Variants in CREBRF observed in about 807,000 individuals in gnomAD.
CREBRF encodes the protein CREB3 regulatory factor.
Under a neutral mutation model 66.1 loss-of-function variants are expected in CREBRF, and 5 were observed. That is an observed-to-expected ratio of 0.08 (90% CI 0.04 to 0.16). The LOEUF is 0.16. CREBRF is among the 10% of genes least tolerant of loss of function. The pLI, the probability that CREBRF is intolerant of heterozygous loss-of-function variation, is 1.00. For missense variants in CREBRF, 531 were observed against 744.9 expected (o/e 0.71, Z 3.34); for synonymous variants, 229 against 264.4 (o/e 0.87, Z 1.30).
intron 8 of CREBRF, among the ~76,000 whole-genome samples, chr5:173,130,224 A>G (rs1004290482): frequency 6.6e-6 from 1 of 151,996 alleles, no homozygotes; most frequent in East Asian, 1.9e-4. Flanking sequence ...AAATTGATCT[A>G]TGTTTGGTTT....
intron 8 of CREBRF, among the ~76,000 whole-genome samples, chr5:173,124,827 T>C (rs1269248481): frequency 6.6e-6 from 1 of 152,012 alleles, no homozygotes; most frequent in Non-Finnish European, 1.5e-5. Context: ...TTATTATCTA[T>C]AGATTGGCTC....
At chr5:173,087,019 T>A (rs1285672666) in intron 3 of CREBRF, among the ~76,000 whole-genome samples, 1 of 151,014 alleles carries the variant, frequency 6.6e-6, no homozygotes, top group Non-Finnish European at 1.5e-5. Flanking sequence ...CGATCTCGGC[T>A]CACTGCAACC....
chr5:173,129,371 C>G (rs1480932889), intron 8 of CREBRF, among the ~76,000 whole-genome samples: 1 of 151,888 alleles, frequency 6.6e-6, no homozygotes, highest in Non-Finnish European at 1.5e-5. Context: ...CAGCCTCGGC[C>G]TCCCAAAGTG....
chr5:173,096,332 C>G (rs1325623602), intron 4 of CREBRF, among the ~76,000 whole-genome samples: 3 of 152,118 alleles, frequency 2.0e-5, no homozygotes, highest in Non-Finnish European at 4.4e-5. Flanking sequence ...GAGACAATTT[C>G]TTTTCCTATT....
chr5:173,110,940 CAAT>C (rs1245894457), intron 6 of CREBRF, among the ~76,000 whole-genome samples: 2 of 152,060 alleles, frequency 1.3e-5, no homozygotes, highest in African/African-American at 4.8e-5. Context: ...TGTTGTATAA[CAAT>C]AAAAAATTTT....
At chr5:173,086,649 T>C in intron 3 of CREBRF, 23 bp downstream of exon 3, 1 of 1,588,822 alleles carries the variant, frequency 6.3e-7, no homozygotes, top group East Asian at 2.3e-5. Flanking sequence ...TTCTTGGTTT[T>C]GGTCTTGATT....
chr5:173,068,726 A>G (rs527580309), intron 1 of CREBRF, among the ~76,000 whole-genome samples: 2 of 152,212 alleles, frequency 1.3e-5, no homozygotes, highest in African/African-American at 2.4e-5. Context: ...TGAGTATCCC[A>G]TATTCACCCT....
At chr5:173,120,010 T>A (rs557045698) in intron 7 of CREBRF, among the ~76,000 whole-genome samples, 9 of 152,326 alleles carry the variant, frequency 5.9e-5, no homozygotes, top group African/African-American at 2.2e-4. Context: ...AATCTATTGC[T>A]AATATTTCAT....
At chr5:173,110,126 A>G (rs1758839060) in intron 5 of CREBRF, 1 of 245,130 alleles carries the variant, frequency 4.1e-6, no homozygotes, top group African/African-American at 2.2e-5. Context: ...TGGTTTGTGT[A>G]AAATCTCCAA....
intron 1 of CREBRF, among the ~76,000 whole-genome samples, chr5:173,058,632 C>T (rs1436764788): frequency 7.0e-5 from 10 of 143,596 alleles, no homozygotes; most frequent in Middle Eastern, 4.7e-3. Context: ...TACAGGCGCC[C>T]GCCATCACGC....
At chr5:173,078,178 C>T (rs1042535370) in intron 1 of CREBRF, among the ~76,000 whole-genome samples, 1 of 152,224 alleles carries the variant, frequency 6.6e-6, no homozygotes, top group Admixed American at 6.5e-5. Flanking sequence ...CCAGCAAATG[C>T]ACAAGGGCTC....
intron 4 of CREBRF, among the ~76,000 whole-genome samples, chr5:173,104,848 A>T (rs1401851777): frequency 6.6e-6 from 1 of 152,194 alleles, no homozygotes; most frequent in Non-Finnish European, 1.5e-5. Flanking sequence ...TACTTCTGGG[A>T]AAAAGGCTGG....
chr5:173,065,046 C>T (rs13356857), intron 1 of CREBRF, among the ~76,000 whole-genome samples: 26,146 of 152,044 alleles, frequency 0.17, 3,324 homozygotes, highest in African/African-American at 0.35. Context: ...AGGTTTTCAT[C>T]TTTACCTTTG....
At chr5:173,100,078 T>G (rs908807911) in intron 4 of CREBRF, among the ~76,000 whole-genome samples, 2 of 69,144 alleles carry the variant, frequency 2.9e-5, no homozygotes, top group East Asian at 6.8e-4. Flanking sequence ...GGCTAATCTT[T>G]TGTGTGTGTG....
intron 1 of CREBRF, among the ~76,000 whole-genome samples, chr5:173,075,298 C>T (rs547056633): frequency 1.3e-5 from 2 of 152,292 alleles, no homozygotes; most frequent in African/African-American, 4.8e-5. Flanking sequence ...GATTCACCTG[C>T]AGTTTTGGTT....
intron 7 of CREBRF, among the ~76,000 whole-genome samples, chr5:173,114,415 A>C (rs1005933294): frequency 3.3e-5 from 5 of 152,184 alleles, no homozygotes; most frequent in African/African-American, 1.2e-4. Context: ...GTGATTTACA[A>C]TTTGAAAAAT....
intron 1 of CREBRF, among the ~76,000 whole-genome samples, chr5:173,058,481 T>A (rs1386445829): frequency 2.3e-5 from 3 of 131,684 alleles, no homozygotes; most frequent in Admixed American, 1.5e-4. Context: ...GATTCATCAA[T>A]TTTTTTTTTT....
At chr5:173,100,579 AC>A (rs1758605534) in intron 4 of CREBRF, among the ~76,000 whole-genome samples, 4 of 151,818 alleles carry the variant, frequency 2.6e-5, no homozygotes, top group Admixed American at 2.0e-4. Flanking sequence ...GACCACCACC[AC>A]GCCCTGCTAA....
intron 2 of CREBRF, among the ~76,000 whole-genome samples, chr5:173,082,908 C>G (rs1581672345): frequency 3.5e-5 from 1 of 28,984 alleles, no homozygotes; most frequent in Non-Finnish European, 6.1e-5. Flanking sequence ...GACTCTGTCT[C>G]AAAAAAAAAA....
Sources: gnomAD v4.1 joint callset for allele counts (sites outside exome capture counted in the v4.1 genomes callset) on GRCh38, gnomAD v4.1.1 for gene constraint, MANE v1.5 for transcripts, NCBI Gene and HGNC (gene_info 2026-07-23, HGNC 2026-07-21) for gene names.